GRM7: variants seen among roughly 807,000 people sequenced by gnomAD.
GRM7 encodes the protein metabotropic glutamate receptor 7.
A neutral mutation model predicts 84.5 loss-of-function variants in GRM7; 35 were observed. That is an observed-to-expected ratio of 0.41 (90% CI 0.32 to 0.55). GRM7 has a LOEUF of 0.55. Ranked by LOEUF, GRM7 falls within the 20% of genes least tolerant of loss-of-function variation. The probability of loss-of-function intolerance (pLI) is 0.19; values close to 1 mark genes in which losing one functional copy is unlikely to be tolerated. For synonymous variants in GRM7, 487 were observed against 455.1 expected (o/e 1.07, Z -0.89); for missense variants, 1,003 against 1,194.6 (o/e 0.84, Z 2.36).
intron 2 of GRM7, among the ~76,000 whole-genome samples, chr3:7,294,376 G>T (rs546383582): frequency 1.8e-4 from 28 of 152,296 alleles, no homozygotes; most frequent in African/African-American, 6.5e-4. Context: ...ACAGTTTGCA[G>T]ATGGTTTCAT....
intron 1 of GRM7, among the ~76,000 whole-genome samples, chr3:6,899,446 G>A (rs1696309703): frequency 6.6e-6 from 1 of 152,052 alleles, no homozygotes; most frequent in African/African-American, 2.4e-5. Flanking sequence ...ATTTTTGGAG[G>A]GCATGTGATA....
intron 5 of GRM7, among the ~76,000 whole-genome samples, chr3:7,423,130 T>C (rs1297653279): frequency 6.6e-6 from 1 of 152,190 alleles, no homozygotes; most frequent in Non-Finnish European, 1.5e-5. Flanking sequence ...CTGAATGCCA[T>C]TTTAATTCAG....
At chr3:7,288,707 T>TA (rs1430740441) in intron 2 of GRM7, among the ~76,000 whole-genome samples, 3 of 152,076 alleles carry the variant, frequency 2.0e-5, no homozygotes, top group African/African-American at 4.8e-5. Context: ...ATGACACAAG[T>TA]ACTTATTAAA....
At chr3:7,072,267 A>G (rs1448304186) in intron 1 of GRM7, among the ~76,000 whole-genome samples, 1 of 152,200 alleles carries the variant, frequency 6.6e-6, no homozygotes, top group Admixed American at 6.5e-5. Context: ...GACATCTGTC[A>G]TACATGAGGT....
chr3:7,450,352 C>T (rs1303537298), intron 5 of GRM7, among the ~76,000 whole-genome samples: 3 of 152,004 alleles, frequency 2.0e-5, no homozygotes, highest in Non-Finnish European at 4.4e-5. Context: ...ATGACACAAC[C>T]CTTTTAGAGT....
At chr3:7,557,704 G>T (rs1680621298) in intron 7 of GRM7, among the ~76,000 whole-genome samples, 1 of 152,072 alleles carries the variant, frequency 6.6e-6, no homozygotes, top group Non-Finnish European at 1.5e-5. Flanking sequence ...AAACCTACCT[G>T]GCAATTGTAA....
rs1467909779 is a variant in GRM7, at chr3:7,578,408, T to C, written c.1516-14T>C. 1 of 1,553,468 alleles carries C rather than the reference T, an allele frequency of 6.4e-7. No homozygotes were observed. The highest frequency in any genetic ancestry group is 1.8e-5 in the Admixed American group (1 of 56,138). On this transcript the variant is annotated splice_polypyrimidine_tract_variant and intron_variant, in intron 7 of 9. Coordinates refer to ENST00000357716, the MANE Select transcript of GRM7 (RefSeq NM_000844.4). ...GAATCTGCCTGATTCACCTTCTTAT[T>C]TCTTATGTTACAGATAGAAGACATG...
chr3:7,354,421 G>A (rs1693296322), intron 4 of GRM7, among the ~76,000 whole-genome samples: 1 of 152,142 alleles, frequency 6.6e-6, no homozygotes. Flanking sequence ...AGATGCATGA[G>A]TGGAATAGAT....
intron 8 of GRM7, among the ~76,000 whole-genome samples, chr3:7,639,577 T>A (rs913754533): frequency 3.3e-5 from 5 of 152,188 alleles, no homozygotes; most frequent in Admixed American, 6.5e-5. Context: ...TATTATCACC[T>A]TTTTTAAGTC....
At chr3:7,153,330 T>TTGTC (rs1454825850) in intron 2 of GRM7, among the ~76,000 whole-genome samples, 4 of 152,046 alleles carry the variant, frequency 2.6e-5, no homozygotes, top group Non-Finnish European at 5.9e-5. Flanking sequence ...ATAACCAGGG[T>TTGTC]TGTCTCTTTA....
chr3:7,150,084 T>C (rs60263601), intron 2 of GRM7, among the ~76,000 whole-genome samples: 3 of 145,728 alleles, frequency 2.1e-5, no homozygotes, highest in Non-Finnish European at 3.1e-5. Context: ...TGTGTGTGTG[T>C]GTGAGAGAGA....
At chr3:7,618,654 C>T (rs1697222103) in intron 8 of GRM7, among the ~76,000 whole-genome samples, 1 of 152,140 alleles carries the variant, frequency 6.6e-6, no homozygotes, top group Non-Finnish European at 1.5e-5. Flanking sequence ...TGCAAAGTCT[C>T]TTTTCACTGT....
chr3:7,343,309 C>G (rs1198108166), intron 4 of GRM7, among the ~76,000 whole-genome samples: 1 of 152,094 alleles, frequency 6.6e-6, no homozygotes, highest in East Asian at 1.9e-4. Flanking sequence ...TCATGGCTCA[C>G]TGCAGCCTCG....
intron 7 of GRM7, among the ~76,000 whole-genome samples, chr3:7,470,189 A>G (rs540161073): frequency 1.0e-3 from 155 of 152,310 alleles, no homozygotes; most frequent in African/African-American, 3.5e-3. Context: ...AGTAGATTCT[A>G]ACTTATTTCC....
chr3:7,405,067 T>G (rs1288405481), intron 4 of GRM7, among the ~76,000 whole-genome samples: 1 of 152,158 alleles, frequency 6.6e-6, no homozygotes, highest in Non-Finnish European at 1.5e-5. Flanking sequence ...CTAAAATCCA[T>G]GCAAAACACT....
intron 1 of GRM7, among the ~76,000 whole-genome samples, chr3:6,868,258 C>A (rs757964176): frequency 6.6e-6 from 1 of 152,160 alleles, no homozygotes; most frequent in African/African-American, 2.4e-5. Flanking sequence ...TGACAACAAA[C>A]CACTACGTAT....
At chr3:7,356,920 T>TCA (rs34481316) in intron 4 of GRM7, among the ~76,000 whole-genome samples, 11,985 of 131,142 alleles carry the variant, frequency 0.091, 533 homozygotes, top group Middle Eastern at 0.16. Context: ...GCCTTTTTGA[T>TCA]CACACACACA....
At chr3:7,705,385 G>A (rs17047834) in intron 9 of GRM7, among the ~76,000 whole-genome samples, 3,689 of 152,240 alleles carry the variant, frequency 0.024, 154 homozygotes, top group African/African-American at 0.084. Context: ...AAGCCTACCT[G>A]CATCAAAATG....
intron 4 of GRM7, among the ~76,000 whole-genome samples, chr3:7,366,330 A>G (rs991516499): frequency 7.2e-5 from 11 of 151,784 alleles, no homozygotes; most frequent in African/African-American, 2.2e-4. Flanking sequence ...TCTCAAGATT[A>G]TGTATGTATT....
Sources: gnomAD v4.1 joint callset for allele counts (sites outside exome capture counted in the v4.1 genomes callset) on GRCh38, gnomAD v4.1.1 for gene constraint, MANE v1.5 for transcripts, NCBI Gene and HGNC (gene_info 2026-07-23, HGNC 2026-07-21) for gene names.